PLCB1: variants seen among roughly 807,000 people sequenced by gnomAD.
PLCB1 encodes the protein 1-phosphatidylinositol 4,5-bisphosphate phosphodiesterase beta-1.
A neutral mutation model predicts 161.8 loss-of-function variants in PLCB1; 46 were observed. That is an observed-to-expected ratio of 0.28 (90% CI 0.22 to 0.36). The LOEUF (loss-of-function observed/expected upper bound fraction) is 0.36. PLCB1 is among the 10% of genes least tolerant of loss of function. The pLI is 1.00. For synonymous variants in PLCB1, 517 were observed against 503.7 expected (o/e 1.03, Z -0.35); for missense variants, 1,016 against 1,472.5 (o/e 0.69, Z 5.07).
At chr20:8,324,202 GT>G (rs1985045874) in intron 2 of PLCB1, among the ~76,000 whole-genome samples, 80 of 2,934 alleles carry the variant, frequency 0.027, 1 homozygote, top group South Asian at 0.15. Context: ...TGGTAGGGGT[GT>G]GTGTGTGTGT....
chr20:8,789,680 T>C, intron 30 of PLCB1, 105 bp downstream of exon 30: 1 of 842,948 alleles, frequency 1.2e-6, no homozygotes. Flanking sequence ...CATAACTTTT[T>C]ATCACTAGCA....
At chr20:8,276,986 CTTATTA>C (rs59903648) in intron 2 of PLCB1, among the ~76,000 whole-genome samples, 1,162 of 93,230 alleles carry the variant, frequency 0.012, 9 homozygotes, top group Non-Finnish European at 0.015. Context: ...TCTTCTTCTT[CTTATTA>C]TTATTATTAT....
intron 18 of PLCB1, among the ~76,000 whole-genome samples, chr20:8,731,232 G>A (rs895202080): frequency 6.6e-6 from 1 of 151,810 alleles, no homozygotes; most frequent in South Asian, 2.1e-4. Flanking sequence ...CTGTACAAAC[G>A]TTTGCAGTAC....
chr20:8,826,005 T>A (rs554624181), intron 31 of PLCB1, among the ~76,000 whole-genome samples: 1 of 152,176 alleles, frequency 6.6e-6, no homozygotes, highest in African/African-American at 2.4e-5. Context: ...ACTGCCAAAC[T>A]GGGAATGAGG....
At chr20:8,269,184 A>G (rs1034469327) in intron 2 of PLCB1, among the ~76,000 whole-genome samples, 1 of 152,092 alleles carries the variant, frequency 6.6e-6, no homozygotes, top group Non-Finnish European at 1.5e-5. Context: ...TGCTGCACCC[A>G]TCAACCCGTC....
At chr20:8,142,152 A>T (rs1283834355) in intron 1 of PLCB1, among the ~76,000 whole-genome samples, 1 of 152,064 alleles carries the variant, frequency 6.6e-6, no homozygotes, top group Non-Finnish European at 1.5e-5. Context: ...GGAGGTGCTG[A>T]TGCTCAGGGG....
rs145002931 is a variant in PLCB1, at chr20:8,606,018, T to C, written c.247-22276T>C. On this transcript the variant is annotated intron_variant, in intron 3 of 31. Transcript: ENST00000338037. ...TTCATGGCTGTGTAGTATTCCACAG[T>C]GCACATATAGTACATTTTCTTTATT... 7.9e-3 allele frequency among the ~76,000 whole-genome samples: 1,210 copies of C among 152,334 alleles called. 13 individuals are homozygous for C. Among genetic ancestry groups the C allele is most frequent in the African/African-American group, 0.027 (1,123 of 41,574 alleles).
intron 3 of PLCB1, among the ~76,000 whole-genome samples, chr20:8,526,838 T>C (rs1984604068): frequency 6.6e-6 from 1 of 152,114 alleles, no homozygotes; most frequent in Non-Finnish European, 1.5e-5. Context: ...TGATAATGAC[T>C]GAAGAGGGCA....
intron 4 of PLCB1, among the ~76,000 whole-genome samples, chr20:8,642,159 A>G (rs1296078820): frequency 1.3e-5 from 2 of 152,140 alleles, no homozygotes; most frequent in East Asian, 1.9e-4. Flanking sequence ...TTTTGTAATT[A>G]TGTATGATTG....
chr20:8,533,961 A>C (rs537186595), intron 3 of PLCB1, among the ~76,000 whole-genome samples: 1 of 152,250 alleles, frequency 6.6e-6, no homozygotes, highest in South Asian at 2.1e-4. Context: ...CTGAATGGTA[A>C]TGCCTAGGTT....
At chr20:8,370,491 G>A (rs188565511) in intron 2 of PLCB1, among the ~76,000 whole-genome samples, 32 of 151,880 alleles carry the variant, frequency 2.1e-4, no homozygotes, top group Admixed American at 9.2e-4. Flanking sequence ...TCCTTTCCCC[G>A]CAATGTTCTC....
At chr20:8,761,037 A>G (rs1380473036) in intron 25 of PLCB1, among the ~76,000 whole-genome samples, 2 of 152,224 alleles carry the variant, frequency 1.3e-5, no homozygotes, top group East Asian at 3.8e-4. Context: ...ACCACTGGTA[A>G]GGGCCAAATC....
chr20:8,835,465 G>A (rs930963951), intron 31 of PLCB1, among the ~76,000 whole-genome samples: 4 of 151,770 alleles, frequency 2.6e-5, no homozygotes, highest in Admixed American at 6.6e-5. Context: ...CTAACCACAG[G>A]CTTTAGAGAT....
chr20:8,213,121 A>T (rs1338698675), intron 2 of PLCB1, among the ~76,000 whole-genome samples: 1 of 152,156 alleles, frequency 6.6e-6, no homozygotes, highest in Non-Finnish European at 1.5e-5. Context: ...AAGTGTGTTC[A>T]CTAATTCATC....
At chr20:8,437,842 C>A (rs980029737) in intron 3 of PLCB1, among the ~76,000 whole-genome samples, 3 of 152,042 alleles carry the variant, frequency 2.0e-5, no homozygotes, top group African/African-American at 7.3e-5. Context: ...AGGGGAAATC[C>A]TTGAAAACTT....
At chr20:8,272,164 T>C (rs75232003) in intron 2 of PLCB1, among the ~76,000 whole-genome samples, 1 of 151,858 alleles carries the variant, frequency 6.6e-6, no homozygotes, top group Non-Finnish European at 1.5e-5. Flanking sequence ...CCTTTAAGAA[T>C]TGTGTCTAAG....
intron 2 of PLCB1, among the ~76,000 whole-genome samples, chr20:8,245,003 T>C (rs1980809124): frequency 6.6e-6 from 1 of 151,856 alleles, no homozygotes; most frequent in African/African-American, 2.4e-5. Context: ...GTATGACAAG[T>C]AATATTTTTA....
chr20:8,549,854 G>A (rs776460129), intron 3 of PLCB1, among the ~76,000 whole-genome samples: 11 of 152,176 alleles, frequency 7.2e-5, no homozygotes, highest in Non-Finnish European at 1.2e-4. Flanking sequence ...TTACAGGCAT[G>A]AGCCACCACA....
chr20:8,842,722 G>C (rs1208434598), intron 31 of PLCB1, among the ~76,000 whole-genome samples: 1 of 152,140 alleles, frequency 6.6e-6, no homozygotes, highest in Non-Finnish European at 1.5e-5. Context: ...CAGGCGGTGC[G>C]TGACTGGGGG....
Sources: gnomAD v4.1 joint callset for allele counts (sites outside exome capture counted in the v4.1 genomes callset) on GRCh38, gnomAD v4.1.1 for gene constraint, MANE v1.5 for transcripts, NCBI Gene and HGNC (gene_info 2026-07-23, HGNC 2026-07-21) for gene names.